RPS6KA2: variants seen among roughly 807,000 people sequenced by gnomAD.
RPS6KA2 encodes the protein ribosomal protein S6 kinase alpha-2.
Under a neutral mutation model 91.8 loss-of-function variants are expected in RPS6KA2, and 42 were observed. That is an observed-to-expected ratio of 0.46 (90% CI 0.36 to 0.59). The LOEUF (loss-of-function observed/expected upper bound fraction) is 0.59, where lower values mean the gene tolerates loss of function less well. RPS6KA2 is among the 20% of genes least tolerant of loss of function. The pLI, the probability that RPS6KA2 is intolerant of heterozygous loss-of-function variation, is 0.00. For synonymous variants in RPS6KA2, 414 were observed against 393.6 expected, an observed-to-expected ratio of 1.05 and a Z score of -0.61; for missense variants, 798 against 978.5, an observed-to-expected ratio of 0.82 and a Z score of 2.46.
At chr6:166,570,244 T>G (rs1225608068) in intron 1 of RPS6KA2, among the ~76,000 whole-genome samples, 5 of 152,102 alleles carry the variant, frequency 3.3e-5, no homozygotes, top group Admixed American at 2.6e-4. Context: ...GGAGCAGCAC[T>G]GAAAAATGGC....
intron 2 of RPS6KA2, among the ~76,000 whole-genome samples, chr6:166,727,542 G>C (rs1368171220): frequency 6.6e-6 from 1 of 151,884 alleles, no homozygotes; most frequent in African/African-American, 2.4e-5. Context: ...TAAGGTACCA[G>C]AATCCTCAGG....
At chr6:166,431,979 G>A (rs1779147681) in intron 15 of RPS6KA2, among the ~76,000 whole-genome samples, 1 of 152,176 alleles carries the variant, frequency 6.6e-6, no homozygotes, top group Non-Finnish European at 1.5e-5. Flanking sequence ...TTTGCACGCA[G>A]CAGTCACTAT....
At chr6:166,682,674 CAAAG>C (rs1039778992) in intron 2 of RPS6KA2, among the ~76,000 whole-genome samples, 3 of 152,162 alleles carry the variant, frequency 2.0e-5, no homozygotes, top group African/African-American at 7.2e-5. Context: ...AACAACGACA[CAAAG>C]AAAGCAAGGA....
At chr6:166,706,575 G>A (rs1789686415) in intron 2 of RPS6KA2, among the ~76,000 whole-genome samples, 1 of 152,224 alleles carries the variant, frequency 6.6e-6, no homozygotes, top group African/African-American at 2.4e-5. Context: ...TGAAGATGAA[G>A]AACGAGTATC....
chr6:166,497,871 G>T (rs1781846924), intron 8 of RPS6KA2, among the ~76,000 whole-genome samples: 1 of 152,158 alleles, frequency 6.6e-6, no homozygotes, highest in Non-Finnish European at 1.5e-5. Context: ...CCCCTGAAAT[G>T]CCACGACCCG....
intron 1 of RPS6KA2, among the ~76,000 whole-genome samples, chr6:166,579,644 C>T (rs113772930): frequency 1.9e-3 from 287 of 152,270 alleles, no homozygotes; most frequent in African/African-American, 5.8e-3. Context: ...CATTAGGAAA[C>T]GCCATGTGTC....
chr6:166,451,332 C>CATGT (rs112440265), intron 12 of RPS6KA2, 99 bp from the exon 13 acceptor site: 9 of 922,264 alleles, frequency 9.8e-6, no homozygotes, highest in African/African-American at 1.7e-5. Flanking sequence ...TGTGCAAGTC[C>CATGT]GTGTGTGTGT....
intron 2 of RPS6KA2, among the ~76,000 whole-genome samples, chr6:166,786,501 AAT>A (rs200740868): frequency 6.5e-4 from 93 of 143,778 alleles, no homozygotes; most frequent in African/African-American, 2.3e-3. Flanking sequence ...CAAAAAAAAA[AAT>A]TCTGATTGCA....
chr6:166,474,684 T>A (rs1211118686), intron 10 of RPS6KA2, among the ~76,000 whole-genome samples: 1 of 152,152 alleles, frequency 6.6e-6, no homozygotes, highest in Non-Finnish European at 1.5e-5. Flanking sequence ...CTGATCTCAG[T>A]GCAGGATACA....
At chr6:166,706,606 A>G (rs1789687097) in intron 2 of RPS6KA2, among the ~76,000 whole-genome samples, 1 of 152,146 alleles carries the variant, frequency 6.6e-6, no homozygotes, top group Non-Finnish European at 1.5e-5. Flanking sequence ...TTTCCATCCC[A>G]TGCTGCATAG....
chr6:166,625,108 AG>A (rs1274666971), intron 1 of RPS6KA2, among the ~76,000 whole-genome samples: 1 of 152,182 alleles, frequency 6.6e-6, no homozygotes, highest in African/African-American at 2.4e-5. Context: ...CTGGCATTAC[AG>A]GCATGAGCCA....
intron 2 of RPS6KA2, chr6:166,702,548 C>G (rs1417643346): frequency 7.0e-7 from 1 of 1,436,216 alleles, no homozygotes; most frequent in Non-Finnish European, 9.8e-7. Context: ...AGTCAACTAT[C>G]CAGCACCTCC....
intron 2 of RPS6KA2, among the ~76,000 whole-genome samples, chr6:166,647,155 T>C (rs1787632402): frequency 6.9e-6 from 1 of 144,074 alleles, no homozygotes; most frequent in Non-Finnish European, 1.5e-5. Flanking sequence ...TGCCCCAGTG[T>C]TCTCCTATTT....
rs1179932313 is a variant in RPS6KA2, at chr6:166,569,327, C to T, written c.100-30543G>A. On this transcript the variant is annotated intron_variant, in intron 1 of 20. Coordinates refer to ENST00000265678, the MANE Select transcript of RPS6KA2 (RefSeq NM_021135.6). ...CCACAGGGAGGCACCGAGGGCTGGG[C>T]GTCACGTGAGGTTAGCGCTGTTCCT... is the stretch of plus-strand genomic sequence containing the variant. 4.6e-5 allele frequency among the ~76,000 whole-genome samples: 7 copies of T among 152,226 alleles called. No homozygotes were observed. The East Asian group carries it at 1.2e-3, about 25-fold the overall frequency.
At chr6:166,415,007 G>A (rs902727605) in intron 19 of RPS6KA2, among the ~76,000 whole-genome samples, 3 of 152,272 alleles carry the variant, frequency 2.0e-5, no homozygotes, top group Non-Finnish European at 4.4e-5. Flanking sequence ...AGAGGTTGGA[G>A]TGAGCTGAGA....
intron 1 of RPS6KA2, among the ~76,000 whole-genome samples, chr6:166,622,007 G>T (rs1786654767): frequency 6.6e-6 from 1 of 152,182 alleles, no homozygotes; most frequent in Non-Finnish European, 1.5e-5. Context: ...CCAGGTAAAT[G>T]GTAAGTCAGA....
intron 8 of RPS6KA2, among the ~76,000 whole-genome samples, chr6:166,492,720 CTTTTT>C (rs10533292): frequency 2.8e-5 from 4 of 141,196 alleles, no homozygotes; most frequent in South Asian, 2.2e-4. Flanking sequence ...TTTTTCTTTT[CTTTTT>C]TTTTTTTTTT....
chr6:166,813,457 C>T (rs1779689856), intron 2 of RPS6KA2, among the ~76,000 whole-genome samples: 1 of 152,206 alleles, frequency 6.6e-6, no homozygotes, highest in Non-Finnish European at 1.5e-5. Flanking sequence ...ATTGGTAATA[C>T]ATTGCATTAG....
Position 166,576,811 on chromosome 6 carries a change from G to T in RPS6KA2, c.100-38027C>A, listed in dbSNP as rs1784848875. ...AGGAAATTTGCATAAGTAATGAGAAGTTGAATGTTAATCCCCGAGACAATG... is the reference window on the plus strand; with the variant it reads ...AGGAAATTTGCATAAGTAATGAGAATTTGAATGTTAATCCCCGAGACAATG... On this transcript the variant is annotated intron_variant, in intron 1 of 20. Coordinates refer to ENST00000265678, the MANE Select transcript of RPS6KA2 (RefSeq NM_021135.6). Among the ~76,000 whole-genome samples the T allele has an allele frequency of 1.3e-5, 2 of 152,242 alleles. 1 individual carries two copies. The highest frequency in any genetic ancestry group is 4.1e-4 in the South Asian group (2 of 4,836).
Sources: gnomAD v4.1 joint callset for allele counts (sites outside exome capture counted in the v4.1 genomes callset) on GRCh38, gnomAD v4.1.1 for gene constraint, MANE v1.5 for transcripts, NCBI Gene and HGNC (gene_info 2026-07-23, HGNC 2026-07-21) for gene names.